Variants in KCNMA1 observed in about 807,000 individuals in gnomAD.
The protein encoded by KCNMA1 is Calcium-activated potassium channel subunit alpha-1.
A neutral mutation model predicts 140.0 loss-of-function variants in KCNMA1; 29 were observed. That is an observed-to-expected ratio of 0.21 (90% CI 0.15 to 0.28). The LOEUF is 0.28. Ranked by LOEUF, KCNMA1 falls within the 10% of genes least tolerant of loss-of-function variation. The probability of loss-of-function intolerance (pLI) is 1.00; values close to 1 mark genes in which losing one functional copy is unlikely to be tolerated. For missense variants in KCNMA1, 880 were observed against 1,602.2 expected (o/e 0.55, Z 7.70); for synonymous variants, 612 against 611.9 (o/e 1.00, Z 0.00).
intron 12 of KCNMA1, among the ~76,000 whole-genome samples, chr10:77,082,865 G>C (rs1595572714): frequency 6.6e-6 from 1 of 152,310 alleles, no homozygotes; most frequent in East Asian, 1.9e-4. Flanking sequence ...GGTGCCAGAT[G>C]TTGCCTGCCA....
intron 14 of KCNMA1, chr10:77,071,083 T>TC (rs1415284599): frequency 6.6e-6 from 1 of 152,212 alleles, no homozygotes; most frequent in East Asian, 1.9e-4. Context: ...GCCCAGCCTT[T>TC]CCCACAAGCT....
chr10:77,171,382 TGTGC>T (rs1234933339), intron 5 of KCNMA1, among the ~76,000 whole-genome samples: 1 of 129,498 alleles, frequency 7.7e-6, no homozygotes, highest in Non-Finnish European at 1.6e-5. Flanking sequence ...GGAAAGTACG[TGTGC>T]GTGTGTGTGT....
intron 1 of KCNMA1, among the ~76,000 whole-genome samples, chr10:77,500,802 G>C (rs1567182129): frequency 1.3e-5 from 2 of 152,174 alleles, no homozygotes; most frequent in Non-Finnish European, 2.9e-5. Context: ...TGATTAGAAG[G>C]CTGGAATTTC....
chr10:77,108,469 T>G lies in KCNMA1; in HGVS notation c.1223+12A>C. 6.2e-7 allele frequency: 1 copy of G among 1,611,208 alleles called. No homozygotes were observed. Among genetic ancestry groups the G allele is most frequent in the Non-Finnish European group, 8.5e-7 (1 of 1,177,848 alleles). ...CCGCAGCAGAGGCAGCAAAACCTCT[T>G]GGCATACTTACTTTCTTCCACTAAC... On this transcript the variant is annotated intron_variant, in intron 9 of 27. Transcript: ENST00000286628. This position sits in a 1 kb window ranked among gnomAD's most constrained non-coding sequence, Gnocchi z 4.6.
intron 2 of KCNMA1, among the ~76,000 whole-genome samples, chr10:77,356,148 T>C (rs913378239): frequency 3.1e-4 from 47 of 152,194 alleles, no homozygotes; most frequent in African/African-American, 1.1e-3. Context: ...TATTCATCCC[T>C]AAATGCATCA....
intron 1 of KCNMA1, among the ~76,000 whole-genome samples, chr10:77,595,083 C>T (rs139451245): frequency 0.011 from 1,604 of 152,292 alleles, 17 homozygotes; most frequent in Middle Eastern, 0.058. Context: ...CAGTAGCTCA[C>T]GCCCGTAATC....
rs1000762285 is a variant in KCNMA1 at position 77,567,407 on chromosome 10, C to T, written c.378+69858G>A. Among the ~76,000 whole-genome samples, 4 of 152,192 alleles carry T rather than the reference C, an allele frequency of 2.6e-5. No individual in the cohort carries two copies. The East Asian group carries it at 7.7e-4, about 29-fold the overall frequency. On this transcript the variant is annotated intron_variant, in intron 1 of 27. Coordinates refer to ENST00000286628, the MANE Select transcript of KCNMA1 (RefSeq NM_001161352.2). Reference sequence around the variant, plus strand: ...CCTACCTTTTAGCCGCCAGCCTCCTCCATGGGCTTCCAGATAAGCGTGTGT... The same window carrying T: ...CCTACCTTTTAGCCGCCAGCCTCCTTCATGGGCTTCCAGATAAGCGTGTGT...
intron 1 of KCNMA1, among the ~76,000 whole-genome samples, chr10:77,471,747 T>G (rs2098160603): frequency 6.7e-6 from 1 of 148,514 alleles, no homozygotes; most frequent in Non-Finnish European, 1.5e-5. Flanking sequence ...ATACACGCAT[T>G]GTCCACACAC....
intron 2 of KCNMA1, among the ~76,000 whole-genome samples, chr10:77,320,888 G>A (rs180806824): frequency 3.3e-5 from 5 of 152,260 alleles, no homozygotes; most frequent in Admixed American, 6.5e-5. Flanking sequence ...TGGAACCTAC[G>A]TCATTGTCCA....
intron 3 of KCNMA1, among the ~76,000 whole-genome samples, chr10:77,248,767 C>A (rs930500444): frequency 2.0e-5 from 3 of 151,466 alleles, no homozygotes; most frequent in Admixed American, 6.6e-5. Context: ...TAATAGGTTT[C>A]ACTGTGTTTT....
chr10:77,076,679 A>G (rs372276183), intron 13 of KCNMA1, among the ~76,000 whole-genome samples: 13 of 152,348 alleles, frequency 8.5e-5, no homozygotes, highest in East Asian at 5.8e-4. Context: ...TAAAATGCAC[A>G]GATGGTCCAA....
intron 19 of KCNMA1, among the ~76,000 whole-genome samples, chr10:76,981,255 T>C (rs949936049): frequency 6.6e-6 from 1 of 151,914 alleles, no homozygotes; most frequent in African/African-American, 2.4e-5. Context: ...TAGCCTTGCA[T>C]CTCATTCAAC....
In KCNMA1 at chr10:77,108,001, C is replaced by T. The variant is rs938674530; in HGVS notation, c.1223+480G>A. ...CATAGCCAGATGATGGAAGAATGAACGAGTTTTGTTTACTTGTTAGGGGTC... is the reference window on the plus strand; with the variant it reads ...CATAGCCAGATGATGGAAGAATGAATGAGTTTTGTTTACTTGTTAGGGGTC... On this transcript the variant is annotated intron_variant, in intron 9 of 27. Transcript: ENST00000286628. This position sits in a 1 kb window ranked among gnomAD's most constrained non-coding sequence, Gnocchi z 4.6. Among the ~76,000 whole-genome samples the T allele has an allele frequency of 4.6e-5, 7 of 152,156 alleles. No individual in the cohort carries two copies. The highest frequency in any genetic ancestry group is 1.9e-4 in the East Asian group (1 of 5,192).
intron 12 of KCNMA1, among the ~76,000 whole-genome samples, chr10:77,082,246 C>T (rs867562194): frequency 1.3e-5 from 2 of 151,868 alleles, no homozygotes; most frequent in Admixed American, 1.3e-4. Flanking sequence ...TCAGGCTGGT[C>T]TTGAACTCCT....
chr10:76,973,517 C>G (rs1240663613), intron 19 of KCNMA1, among the ~76,000 whole-genome samples: 2 of 152,190 alleles, frequency 1.3e-5, no homozygotes, highest in African/African-American at 4.8e-5. Flanking sequence ...GATGTTTTAA[C>G]ATGTTTGCTT....
chr10:77,232,404 A>G (rs943678021), intron 3 of KCNMA1, among the ~76,000 whole-genome samples: 2 of 152,204 alleles, frequency 1.3e-5, no homozygotes, highest in African/African-American at 2.4e-5. Flanking sequence ...CAATTTATCC[A>G]TATCCTTGTC....
At chr10:76,996,513 A>G (rs1016666939) in intron 19 of KCNMA1, among the ~76,000 whole-genome samples, 3 of 152,176 alleles carry the variant, frequency 2.0e-5, no homozygotes, top group Admixed American at 1.3e-4. Context: ...CAAAGGGTCA[A>G]ATCAAGACGC....
chr10:76,953,330 T>G (rs1379819821), intron 21 of KCNMA1, among the ~76,000 whole-genome samples: 1 of 152,184 alleles, frequency 6.6e-6, no homozygotes, highest in Admixed American at 6.5e-5. Flanking sequence ...TTAATAATAG[T>G]AAGAATAAGA....
At chr10:77,312,500 T>C (rs1359187890) in intron 2 of KCNMA1, among the ~76,000 whole-genome samples, 1 of 152,070 alleles carries the variant, frequency 6.6e-6, no homozygotes, top group Non-Finnish European at 1.5e-5. Flanking sequence ...GTGATGCACA[T>C]TTGTAATCCC....
Sources: allele counts gnomAD v4.1 joint callset (sites outside exome capture counted in the v4.1 genomes callset), GRCh38; gene constraint gnomAD v4.1.1; non-coding constraint Gnocchi (gnomAD v3.1); transcripts MANE v1.5; gene names NCBI Gene and HGNC (gene_info 2026-07-23, HGNC 2026-07-21).